Variants in SNTG1 observed in about 807,000 individuals in gnomAD.
SNTG1 encodes gamma-1-syntrophin.
Under a neutral mutation model 74.7 loss-of-function variants are expected in SNTG1, and 39 were observed. That is an observed-to-expected ratio of 0.52 (90% CI 0.40 to 0.68). SNTG1 has a LOEUF of 0.68. Among genes scored for constraint, SNTG1 ranks in the 30% least tolerant of loss-of-function variants. The pLI is 0.00. For synonymous variants in SNTG1, 254 were observed against 217.1 expected (o/e 1.17, Z -1.49); for missense variants, 685 against 609.5 (o/e 1.12, Z -1.30).
intron 13 of SNTG1, among the ~76,000 whole-genome samples, chr8:50,617,638 A>G (rs954290180): frequency 2.0e-5 from 3 of 152,156 alleles, no homozygotes; most frequent in African/African-American, 7.2e-5. Flanking sequence ...TCAAGAGCCG[A>G]GCTCCCCGAG....
intron 18 of SNTG1, among the ~76,000 whole-genome samples, chr8:50,759,581 CTTGT>C (rs1329496854): frequency 1.3e-5 from 2 of 151,854 alleles, no homozygotes; most frequent in African/African-American, 4.8e-5. Context: ...TTCCCCATTG[CTTGT>C]TTTTGTCAGG....
chr8:50,517,132 GC>G (rs771275998), intron 9 of SNTG1, among the ~76,000 whole-genome samples: 4 of 152,126 alleles, frequency 2.6e-5, no homozygotes, highest in Non-Finnish European at 5.9e-5. Context: ...GAGAGTGGGG[GC>G]TAATATTCAA....
intron 1 of SNTG1, among the ~76,000 whole-genome samples, chr8:50,094,895 A>G (rs1167901996): frequency 3.1e-4 from 47 of 152,154 alleles, no homozygotes; most frequent in Admixed American, 3.1e-3. Flanking sequence ...TAGCAAAGAC[A>G]TGGAATCAGC....
chr8:49,947,049 C>G (rs1210175875), intron 1 of SNTG1, among the ~76,000 whole-genome samples: 1 of 152,172 alleles, frequency 6.6e-6, no homozygotes, highest in African/African-American at 2.4e-5. Context: ...CCTGTAATCC[C>G]AGCACTTTGG....
intron 8 of SNTG1, among the ~76,000 whole-genome samples, chr8:50,467,047 T>C (rs910413785): frequency 1.3e-5 from 2 of 151,992 alleles, no homozygotes; most frequent in African/African-American, 4.8e-5. Flanking sequence ...TAACTCTTTT[T>C]ATACATTATT....
intron 2 of SNTG1, among the ~76,000 whole-genome samples, chr8:50,353,413 A>G (rs2091727742): frequency 6.6e-6 from 1 of 152,186 alleles, no homozygotes; most frequent in Admixed American, 6.5e-5. Flanking sequence ...ATAATAAAAA[A>G]AAGAACACTT....
chr8:50,351,465 A>C (rs373635839), intron 2 of SNTG1, among the ~76,000 whole-genome samples: 2 of 152,276 alleles, frequency 1.3e-5, no homozygotes. Context: ...TGTTTATCTC[A>C]TTTGATTAAT....
At chr8:50,589,171 TA>T (rs1168948554) in intron 12 of SNTG1, among the ~76,000 whole-genome samples, 2 of 152,184 alleles carry the variant, frequency 1.3e-5, no homozygotes, top group Non-Finnish European at 2.9e-5. Flanking sequence ...TGTTATGTAA[TA>T]AACCATTCAA....
intron 13 of SNTG1, among the ~76,000 whole-genome samples, chr8:50,652,687 C>T (rs1252417864): frequency 6.6e-6 from 1 of 152,010 alleles, no homozygotes; most frequent in Non-Finnish European, 1.5e-5. Context: ...GTCCCGGTTA[C>T]TCGGGAGGCT....
intron 2 of SNTG1, among the ~76,000 whole-genome samples, chr8:50,187,306 T>C (rs997498280): frequency 6.6e-6 from 1 of 152,064 alleles, no homozygotes; most frequent in South Asian, 2.1e-4. Context: ...AAGGTACTGG[T>C]ACCAAAACAG....
rs1393747985 is a variant in SNTG1, at chr8:50,697,866, T to C, written c.1039-6734T>C. Among the ~76,000 whole-genome samples, 4 of 152,160 alleles carry C rather than the reference T, an allele frequency of 2.6e-5. No homozygotes were observed. In the East Asian group the frequency reaches 7.7e-4, roughly 29 times the overall value. On this transcript the variant is annotated intron_variant, in intron 15 of 18. Coordinates refer to ENST00000642720, the MANE Select transcript of SNTG1 (RefSeq NM_018967.5). ...TTTATTGATAATTTTTATATCTGTG[T>C]TAATTAGGGATATAGGTCTGTAGTT...
chr8:50,684,031 T>C (rs898801356), intron 15 of SNTG1, among the ~76,000 whole-genome samples: 45 of 152,134 alleles, frequency 3.0e-4, no homozygotes, highest in African/African-American at 8.7e-4. Context: ...TACATACAAA[T>C]TATTAAAGAT....
At chr8:50,564,559 C>A (rs186356155) in intron 12 of SNTG1, among the ~76,000 whole-genome samples, 61 of 152,116 alleles carry the variant, frequency 4.0e-4, no homozygotes, top group East Asian at 3.5e-3. Context: ...GGATGAAAGC[C>A]CCTCCCTCCC....
intron 2 of SNTG1, among the ~76,000 whole-genome samples, chr8:50,280,480 G>GT (rs1429642901): frequency 6.6e-6 from 1 of 152,138 alleles, no homozygotes; most frequent in Non-Finnish European, 1.5e-5. Flanking sequence ...TCTGAGCCAA[G>GT]TAAGTGACCA....
At chr8:50,765,877 G>T (rs1389723202) in intron 18 of SNTG1, among the ~76,000 whole-genome samples, 1 of 151,908 alleles carries the variant, frequency 6.6e-6, no homozygotes, top group Admixed American at 6.6e-5. Context: ...GCAATGCCTA[G>T]ATTTCACCTT....
intron 1 of SNTG1, among the ~76,000 whole-genome samples, chr8:50,112,835 G>A (rs1487949888): frequency 6.6e-6 from 1 of 152,144 alleles, no homozygotes; most frequent in South Asian, 2.1e-4. Flanking sequence ...AATATGCATG[G>A]ATGTTAAATA....
At chr8:50,543,258 G>C (rs1054963222) in intron 11 of SNTG1, among the ~76,000 whole-genome samples, 2 of 152,126 alleles carry the variant, frequency 1.3e-5, no homozygotes, top group African/African-American at 4.8e-5. Flanking sequence ...TTTTGTGTAT[G>C]GTGAGGGATA....
At chr8:50,702,242 T>C (rs758615730) in intron 15 of SNTG1, among the ~76,000 whole-genome samples, 7 of 152,162 alleles carry the variant, frequency 4.6e-5, no homozygotes, top group Non-Finnish European at 7.3e-5. Context: ...TCCATAGATA[T>C]TATAACCCCA....
chr8:50,228,667 T>C (rs542424778), intron 2 of SNTG1, among the ~76,000 whole-genome samples: 3 of 151,982 alleles, frequency 2.0e-5, no homozygotes, highest in African/African-American at 7.2e-5. Flanking sequence ...GACTTACCGT[T>C]CTCTATGTTC....
Sources: allele counts gnomAD v4.1 joint callset (sites outside exome capture counted in the v4.1 genomes callset), GRCh38; gene constraint gnomAD v4.1.1; transcripts MANE v1.5; gene names NCBI Gene and HGNC (gene_info 2026-07-23, HGNC 2026-07-21).